The following TNRC6B variants were observed in gnomAD, a reference collection of about 807,000 sequenced individuals.
TNRC6B encodes trinucleotide repeat containing adaptor 6B.
A neutral mutation model predicts 203.6 loss-of-function variants in TNRC6B; 52 were observed. The ratio of observed to expected loss-of-function variants is 0.26; its 90% CI spans 0.20 to 0.32. The LOEUF is 0.32. Among genes scored for constraint, TNRC6B ranks in the 10% least tolerant of loss-of-function variants. The pLI is 1.00. For synonymous variants in TNRC6B, 838 were observed against 845.7 expected (o/e 0.99, Z 0.16); for missense variants, 1,923 against 2,286.2 (o/e 0.84, Z 3.24).
Position 40,128,774 on chromosome 22 carries a change from C to A in TNRC6B, c.45+2912C>A, listed in dbSNP as rs563530322. 3.0e-3 allele frequency among the ~76,000 whole-genome samples: 460 copies of A among 152,088 alleles called. 2 individuals carry two copies. The highest frequency in any genetic ancestry group is 0.013 in the South Asian group (61 of 4,816). On this transcript the variant is annotated intron_variant, in intron 3 of 23. Coordinates refer to the TNRC6B transcript ENST00000301923. The stretch of plus-strand genomic sequence containing the variant: ...CTGGGCTCAAGTGATTCTCCTGCCG[C>A]AGTCTCCCAAAGTGCTGGAATTATA...
intron 4 of TNRC6B, among the ~76,000 whole-genome samples, chr22:40,157,580 G>A (rs2068828938): frequency 6.6e-6 from 1 of 152,150 alleles, no homozygotes; most frequent in Non-Finnish European, 1.5e-5. Context: ...ATAAATCCTA[G>A]CTTTGCTGTA....
chr22:40,108,799 G>A (rs2146311088), intron 1 of TNRC6B, among the ~76,000 whole-genome samples: 1 of 152,202 alleles, frequency 6.6e-6, no homozygotes, highest in East Asian at 1.9e-4. Context: ...AAGTTTCAGG[G>A]TACATGTGCA....
intron 15 of TNRC6B, among the ~76,000 whole-genome samples, chr22:40,307,168 C>T (rs2071097610): frequency 6.6e-6 from 1 of 150,984 alleles, no homozygotes; most frequent in African/African-American, 2.4e-5. Context: ...TAGACTTTTA[C>T]TTGATTTATT....
chr22:40,050,044 T>G (rs989360661), intron 1 of TNRC6B, among the ~76,000 whole-genome samples: 1 of 152,176 alleles, frequency 6.6e-6, no homozygotes, highest in Non-Finnish European at 1.5e-5. Context: ...TGTTTTTCAG[T>G]GGTGCCATCA....
At chr22:40,091,611 G>T (rs931075763) in intron 1 of TNRC6B, among the ~76,000 whole-genome samples, 1 of 152,096 alleles carries the variant, frequency 6.6e-6, no homozygotes, top group African/African-American at 2.4e-5. Context: ...ATTTTTAACG[G>T]TTTTTAAAAA....
intron 1 of TNRC6B, among the ~76,000 whole-genome samples, chr22:40,190,539 T>G (rs1381830956): frequency 2.0e-5 from 3 of 152,232 alleles, no homozygotes; most frequent in Non-Finnish European, 4.4e-5. Context: ...CTGTTGCATT[T>G]TAAATGACAA....
intron 1 of TNRC6B, among the ~76,000 whole-genome samples, chr22:40,226,974 A>G (rs1264584983): frequency 3.9e-5 from 6 of 152,004 alleles, no homozygotes; most frequent in Admixed American, 2.0e-4. Context: ...CAGTGGCACA[A>G]TCTCAGCTCA....
chr22:40,251,267 A>G lies in TNRC6B; in HGVS notation c.115+67A>G, dbSNP rs6001851. On this transcript the variant is annotated intron_variant, in intron 3 of 22. Transcript: ENST00000454349. ...GTGTTTAGCTTTTACACTGTTGCTG[A>G]CTCAGCCTCCAATCCACTGAAAAGA... The G allele has an allele frequency of 4.7e-6, 6 of 1,289,456 alleles. No individual in the cohort carries two copies. In the African/African-American group the frequency reaches 6.0e-5, roughly 13 times the overall value. The allele number at this position is 1,289,456 out of a possible 1,614,324, so 79.9% of individuals were successfully genotyped here.
chr22:40,046,302 A>G (rs888878067), intron 1 of TNRC6B, among the ~76,000 whole-genome samples: 1 of 152,204 alleles, frequency 6.6e-6, no homozygotes, highest in African/African-American at 2.4e-5. Context: ...CTTTTAGCGC[A>G]TTGTCTCTAC....
At chr22:40,314,027 T>C (rs998352455) in intron 19 of TNRC6B, among the ~76,000 whole-genome samples, 2 of 151,450 alleles carry the variant, frequency 1.3e-5, no homozygotes, top group Non-Finnish European at 3.0e-5. Context: ...GGATTTCTTT[T>C]ACATGTAAAA....
intron 3 of TNRC6B, among the ~76,000 whole-genome samples, chr22:40,137,054 T>C (rs1434104033): frequency 6.8e-6 from 1 of 147,464 alleles, no homozygotes; most frequent in Non-Finnish European, 1.5e-5. Context: ...TATTAAGTGC[T>C]CATTTAGTCA....
At chr22:40,296,245 T>G (rs1366782645) in intron 12 of TNRC6B, among the ~76,000 whole-genome samples, 2 of 151,428 alleles carry the variant, frequency 1.3e-5, no homozygotes, top group African/African-American at 4.9e-5. Flanking sequence ...AAAATAAAGG[T>G]GGATGTCCTC....
chr22:40,268,784 C>T, intron 5 of TNRC6B, among the ~76,000 whole-genome samples: 1 of 151,954 alleles, frequency 6.6e-6, no homozygotes, highest in East Asian at 1.9e-4. Context: ...TGGTGGCGGG[C>T]ACCTGTAGTC....
chr22:40,264,660 GT>G (rs1238555734), intron 4 of TNRC6B, 27 bp from the exon 5 acceptor site: 15 of 1,544,254 alleles, frequency 9.7e-6, no homozygotes, highest in Non-Finnish European at 1.3e-5. Context: ...ATTTGAAGCT[GT>G]GATTAATAAG....
chr22:40,243,177 T>C (rs2070056472), intron 1 of TNRC6B, among the ~76,000 whole-genome samples: 1 of 152,118 alleles, frequency 6.6e-6, no homozygotes, highest in Non-Finnish European at 1.5e-5. Context: ...CCTGGATTTT[T>C]TTAAAGCTCC....
intron 11 of TNRC6B, 140 bp downstream of exon 11, chr22:40,281,429 G>C: frequency 1.6e-6 from 1 of 620,788 alleles, no homozygotes; most frequent in Non-Finnish European, 2.4e-6. Flanking sequence ...GTAGGTTCTA[G>C]ATCTTTCAGC....
chr22:40,118,887 G>C (rs979503508), intron 2 of TNRC6B, among the ~76,000 whole-genome samples: 1 of 152,210 alleles, frequency 6.6e-6, no homozygotes, highest in African/African-American at 2.4e-5. Flanking sequence ...GCTGAGCCTT[G>C]ATTGGAAAGT....
intron 1 of TNRC6B, among the ~76,000 whole-genome samples, chr22:40,081,179 A>G (rs865955573): frequency 6.6e-6 from 1 of 152,056 alleles, no homozygotes; most frequent in Non-Finnish European, 1.5e-5. Flanking sequence ...ACTTTCTCAT[A>G]GTGCTTCATC....
chr22:40,264,008 G>A (rs1371105796), intron 4 of TNRC6B, among the ~76,000 whole-genome samples: 2 of 152,236 alleles, frequency 1.3e-5, no homozygotes, highest in Non-Finnish European at 2.9e-5. Context: ...CAGGTGATGA[G>A]CTTGAAAACA....
Sources: gnomAD v4.1 joint callset for allele counts (sites outside exome capture counted in the v4.1 genomes callset) on GRCh38, gnomAD v4.1.1 for gene constraint, MANE v1.5 for transcripts, NCBI Gene and HGNC (gene_info 2026-07-23, HGNC 2026-07-21) for gene names.